The following ELP4 variants were observed in gnomAD, a reference collection of about 807,000 sequenced individuals.
The protein encoded by ELP4 is elongator acetyltransferase complex subunit 4.
In ELP4, 51 loss-of-function variants were observed where a neutral mutation model predicts 48.9. The ratio of observed to expected loss-of-function variants is 1.04; its 90% CI spans 0.83 to 1.32. The LOEUF is 1.32. ELP4 is among the 40% of genes most tolerant of loss of function. ELP4 has a pLI of 0.00. For missense variants in ELP4, 519 were observed against 514.6 expected (o/e 1.01, Z -0.08); for synonymous variants, 210 against 189.2 (o/e 1.11, Z -0.90).
intron 7 of ELP4, 172 bp from the exon 8 acceptor site, chr11:31,647,569 G>A (rs756389152): frequency 1.8e-5 from 9 of 492,656 alleles, no homozygotes; most frequent in Non-Finnish European, 3.3e-5. Flanking sequence ...TTTCAATTAA[G>A]GGCATATTTC....
intron 9 of ELP4, among the ~76,000 whole-genome samples, chr11:31,764,464 T>C (rs1269310640): frequency 6.6e-6 from 1 of 152,212 alleles, no homozygotes; most frequent in African/African-American, 2.4e-5. Flanking sequence ...CCAGTGCTCA[T>C]TTGTCTCAGG....
At chr11:31,778,652 G>A (rs1948299426) in intron 9 of ELP4, among the ~76,000 whole-genome samples, 1 of 152,192 alleles carries the variant, frequency 6.6e-6, no homozygotes, top group Non-Finnish European at 1.5e-5. Flanking sequence ...ATTCCCCCAT[G>A]ATAGATGAGG....
At chr11:31,757,089 C>T (rs1947849958) in intron 9 of ELP4, among the ~76,000 whole-genome samples, 1 of 152,158 alleles carries the variant, frequency 6.6e-6, no homozygotes. Context: ...TGTTTTAAAA[C>T]AACATGTGCC....
At chr11:31,598,844 T>C (rs1404592956) in intron 4 of ELP4, 1 of 152,116 alleles carries the variant, frequency 6.6e-6, no homozygotes, top group Admixed American at 6.6e-5. Flanking sequence ...AAAGCTTGAA[T>C]GTTTTGAAAA....
chr11:31,672,605 A>G (rs1945831498), intron 9 of ELP4, among the ~76,000 whole-genome samples: 1 of 152,180 alleles, frequency 6.6e-6, no homozygotes. Context: ...TAGTCTGGGC[A>G]ACATGGCAAA....
intron 9 of ELP4, among the ~76,000 whole-genome samples, chr11:31,773,995 A>G (rs1948197854): frequency 6.6e-6 from 1 of 152,146 alleles, no homozygotes; most frequent in South Asian, 2.1e-4. Context: ...CCTGGGCAAC[A>G]TGGCGAAACC....
rs182561983 is a variant in ELP4, at chr11:31,614,526, T to G, written c.653+10619T>G. On this transcript the variant is annotated intron_variant, in intron 5 of 9. Transcript: ENST00000640961. ...ATAAATGAATAAATTGAAAGTTTTT[T>G]GAGGTATAAGATAACTTACATAGCC... Among the ~76,000 whole-genome samples the G allele has an allele frequency of 7.6e-3, 1,152 of 152,316 alleles. 21 individuals carry two copies. Among genetic ancestry groups the G allele is most frequent in the African/African-American group, 0.026 (1,089 of 41,570 alleles).
chr11:31,580,047 A>G (rs1055179230), intron 3 of ELP4, among the ~76,000 whole-genome samples: 3 of 152,288 alleles, frequency 2.0e-5, no homozygotes, highest in East Asian at 3.9e-4. Context: ...AAAAAGAAAT[A>G]TCAAAGTTAA....
In ELP4 at chr11:31,788,060, A is replaced by T. The variant is rs1592334256; in HGVS notation, c.*4536A>T. ...TGTATTGACTTATATGTTGCACAGA[A>T]CAAATGAAAGTCTCAGACAGTCCTT... On this transcript the variant is annotated 3_prime_UTR_variant, in exon 10 of 10. Coordinates refer to ENST00000640961, the MANE Select transcript of ELP4 (RefSeq NM_019040.5). 4.5e-6 allele frequency: 1 copy of T among 223,194 alleles called. No homozygotes were observed. The highest frequency in any genetic ancestry group is 6.5e-5 in the East Asian group (1 of 15,414). 13.8% of individuals were successfully genotyped at this position (223,194 alleles called of 1,614,324 possible).
intron 3 of ELP4, among the ~76,000 whole-genome samples, chr11:31,587,292 A>G (rs934131253): frequency 4.6e-5 from 7 of 152,224 alleles, no homozygotes; most frequent in African/African-American, 1.7e-4. Flanking sequence ...TAAACTAAGT[A>G]ACTCTGTGTC....
At chr11:31,603,657 C>G in intron 4 of ELP4, 111 bp from the exon 5 acceptor site, 1 of 1,122,674 alleles carries the variant, frequency 8.9e-7, no homozygotes, top group Non-Finnish European at 1.3e-6. Flanking sequence ...ATCCGTTCTT[C>G]CTTATTAGCT....
chr11:31,510,711 G>A, intron 1 of ELP4: 1 of 234,322 alleles, frequency 4.3e-6, no homozygotes, highest in Middle Eastern at 1.3e-3. Flanking sequence ...ACATTTTAAC[G>A]AGAAAAGTCT....
At chr11:31,520,484 A>C (rs1412389488) in intron 2 of ELP4, among the ~76,000 whole-genome samples, 1 of 152,112 alleles carries the variant, frequency 6.6e-6, no homozygotes, top group African/African-American at 2.4e-5. Context: ...TTATCTTTTT[A>C]TTGAAACAAA....
chr11:31,518,947 G>A (rs555696802), intron 1 of ELP4, among the ~76,000 whole-genome samples: 2 of 151,608 alleles, frequency 1.3e-5, no homozygotes, highest in African/African-American at 2.4e-5. Context: ...GAGTAGCTGG[G>A]ATTATAGGCA....
chr11:31,536,752 AAT>A (rs1479333392), intron 2 of ELP4, among the ~76,000 whole-genome samples: 1 of 152,148 alleles, frequency 6.6e-6, no homozygotes, highest in African/African-American at 2.4e-5. Flanking sequence ...AACATCTTTT[AAT>A]ATGTTTTTTG....
chr11:31,766,887 G>GA (rs1948052959), intron 9 of ELP4, among the ~76,000 whole-genome samples: 1 of 151,852 alleles, frequency 6.6e-6, no homozygotes, highest in Non-Finnish European at 1.5e-5. Flanking sequence ...CTATCTTAAT[G>GA]AAAAACAGAA....
At chr11:31,636,283 G>A (rs1944975730) in intron 7 of ELP4, among the ~76,000 whole-genome samples, 1 of 151,988 alleles carries the variant, frequency 6.6e-6, no homozygotes, top group Non-Finnish European at 1.5e-5. Context: ...TCGGGCAGAA[G>A]TAGAAATGTA....
chr11:31,717,264 T>C (rs1471355627), intron 9 of ELP4, among the ~76,000 whole-genome samples: 2 of 152,206 alleles, frequency 1.3e-5, no homozygotes, highest in East Asian at 3.8e-4. Context: ...CGTAGCATTT[T>C]CTTAGTTATA....
chr11:31,721,848 T>C (rs1229714510), intron 9 of ELP4, among the ~76,000 whole-genome samples: 1 of 152,236 alleles, frequency 6.6e-6, no homozygotes. Flanking sequence ...TTAGGCTTGA[T>C]CTTACCATCT....
Sources: allele counts gnomAD v4.1 joint callset (sites outside exome capture counted in the v4.1 genomes callset), GRCh38; gene constraint gnomAD v4.1.1; transcripts MANE v1.5; gene names NCBI Gene and HGNC (gene_info 2026-07-23, HGNC 2026-07-21).